Variants in NRG3 observed in about 807,000 individuals in gnomAD.
NRG3 encodes neuregulin 3, also known as pro-neuregulin-3, membrane-bound isoform.
NRG3 carries 31 observed loss-of-function variants against 66.9 expected under a neutral mutation model. The ratio of observed to expected loss-of-function variants is 0.46; its 90% CI spans 0.35 to 0.63. The LOEUF is 0.63. Ranked by LOEUF, NRG3 falls within the 20% of genes least tolerant of loss-of-function variation. NRG3 has a pLI of 0.00. For synonymous variants in NRG3, 393 were observed against 359.4 expected, an observed-to-expected ratio of 1.09 and a Z score of -1.06; for missense variants, 910 against 878.9, an observed-to-expected ratio of 1.04 and a Z score of -0.45.
intron 1 of NRG3, among the ~76,000 whole-genome samples, chr10:82,320,422 AT>A (rs958872114): frequency 5.3e-5 from 8 of 152,216 alleles, no homozygotes; most frequent in African/African-American, 1.9e-4. Flanking sequence ...TTGGAGGTCT[AT>A]TTCAGATCAA....
At chr10:82,216,607 TAG>T (rs1244870927) in intron 1 of NRG3, among the ~76,000 whole-genome samples, 15 of 126,760 alleles carry the variant, frequency 1.2e-4, no homozygotes, top group Non-Finnish European at 2.0e-4. Flanking sequence ...TAGATATATA[TAG>T]ATATATATAT....
At chr10:82,616,653 T>C (rs149657267) in intron 2 of NRG3, among the ~76,000 whole-genome samples, 153 of 152,340 alleles carry the variant, frequency 1.0e-3, no homozygotes, top group African/African-American at 3.6e-3. Flanking sequence ...GTTTTTCTTA[T>C]AGCATTTTAT....
At chr10:82,856,482 C>T (rs920886086) in intron 3 of NRG3, among the ~76,000 whole-genome samples, 4 of 151,978 alleles carry the variant, frequency 2.6e-5, no homozygotes, top group Admixed American at 6.6e-5. Context: ...CAGTAGCTCA[C>T]GCCTGTAATC....
At chr10:81,937,471 A>C (rs368823484) in intron 1 of NRG3, among the ~76,000 whole-genome samples, 4 of 151,892 alleles carry the variant, frequency 2.6e-5, no homozygotes, top group African/African-American at 9.7e-5. Flanking sequence ...ATGATATCTC[A>C]TTGTGGTTTT....
chr10:82,548,169 A>G (rs2044055923), intron 2 of NRG3, among the ~76,000 whole-genome samples: 1 of 151,770 alleles, frequency 6.6e-6, no homozygotes, highest in South Asian at 2.1e-4. Flanking sequence ...ATTTTTGTCT[A>G]GTAAAATTGA....
At chr10:81,913,375 T>C (rs2132777140) in intron 1 of NRG3, among the ~76,000 whole-genome samples, 1 of 152,212 alleles carries the variant, frequency 6.6e-6, no homozygotes, top group African/African-American at 2.4e-5. Flanking sequence ...GAACCGTGGC[T>C]TTTCTTACTT....
At chr10:82,330,091 C>A (rs757069720) in intron 1 of NRG3, among the ~76,000 whole-genome samples, 1 of 152,168 alleles carries the variant, frequency 6.6e-6, no homozygotes, top group Non-Finnish European at 1.5e-5. Context: ...TTTCCAAAAT[C>A]TGTGTCTGTA....
At chr10:81,916,864 A>C (rs1845761498) in intron 1 of NRG3, among the ~76,000 whole-genome samples, 1 of 152,150 alleles carries the variant, frequency 6.6e-6, no homozygotes, top group Non-Finnish European at 1.5e-5. Flanking sequence ...TACATTTTCA[A>C]ACTTAATTTT....
chr10:82,704,620 C>T (rs916418844), intron 2 of NRG3, among the ~76,000 whole-genome samples: 2 of 152,080 alleles, frequency 1.3e-5, no homozygotes, highest in Non-Finnish European at 2.9e-5. Flanking sequence ...ATGACACTCC[C>T]GGTATTATTT....
At chr10:82,530,492 C>T (rs945972280) in intron 2 of NRG3, among the ~76,000 whole-genome samples, 1 of 151,878 alleles carries the variant, frequency 6.6e-6, no homozygotes, top group African/African-American at 2.4e-5. Flanking sequence ...AAATGTTGAG[C>T]TTTTACATAA....
chr10:82,556,957 C>A (rs1030913091), intron 2 of NRG3, among the ~76,000 whole-genome samples: 1 of 152,178 alleles, frequency 6.6e-6, no homozygotes, highest in African/African-American at 2.4e-5. Flanking sequence ...CATGTTCCCA[C>A]AAAACACATG....
chr10:82,419,030 G>A (rs2088855073), intron 2 of NRG3, among the ~76,000 whole-genome samples: 1 of 152,172 alleles, frequency 6.6e-6, no homozygotes, highest in Admixed American at 6.5e-5. Flanking sequence ...GGATGGATAT[G>A]ATTAGTGAAA....
intron 1 of NRG3, among the ~76,000 whole-genome samples, chr10:82,160,701 C>T (rs2071524652): frequency 6.6e-6 from 1 of 151,890 alleles, no homozygotes; most frequent in South Asian, 2.1e-4. Context: ...ACTTTGAATG[C>T]AGGATTTCTC....
At chr10:82,355,829 A>T (rs2083742774) in intron 1 of NRG3, among the ~76,000 whole-genome samples, 1 of 152,216 alleles carries the variant, frequency 6.6e-6, no homozygotes, top group Admixed American at 6.5e-5. Context: ...GTATATTCTA[A>T]GGTTTCAAAT....
At chr10:82,435,078 CT>C (rs1304068159) in intron 2 of NRG3, among the ~76,000 whole-genome samples, 1 of 152,002 alleles carries the variant, frequency 6.6e-6, no homozygotes, top group Non-Finnish European at 1.5e-5. Context: ...TGGTCCTAGG[CT>C]TTTTTTCGTT....
chr10:82,334,623 C>T (rs1003125632), intron 1 of NRG3, among the ~76,000 whole-genome samples: 2 of 152,102 alleles, frequency 1.3e-5, no homozygotes, highest in South Asian at 2.1e-4. Context: ...CAGTTAATTA[C>T]GCTGAGTGAC....
intron 1 of NRG3, among the ~76,000 whole-genome samples, chr10:81,966,947 A>G (rs1432341298): frequency 6.6e-6 from 1 of 151,276 alleles, no homozygotes; most frequent in African/African-American, 2.5e-5. Flanking sequence ...TTTGTTTTAT[A>G]TTTGTTCTCT....
intron 3 of NRG3, among the ~76,000 whole-genome samples, chr10:82,741,928 T>G (rs1236044081): frequency 6.6e-6 from 1 of 152,212 alleles, no homozygotes; most frequent in African/African-American, 2.4e-5. Flanking sequence ...AACTTGAGCT[T>G]CCATAGAGAT....
At chr10:82,435,659 T>C (rs879510167) in intron 2 of NRG3, among the ~76,000 whole-genome samples, 2 of 152,142 alleles carry the variant, frequency 1.3e-5, no homozygotes, top group Non-Finnish European at 2.9e-5. Context: ...TTTGTTCTCA[T>C]TGGTTTCAAA....
Sources: allele counts gnomAD v4.1 joint callset (sites outside exome capture counted in the v4.1 genomes callset), GRCh38; gene constraint gnomAD v4.1.1; transcripts MANE v1.5; gene names NCBI Gene and HGNC (gene_info 2026-07-23, HGNC 2026-07-21).